The following IMMT variants were observed in gnomAD, a reference collection of about 807,000 sequenced individuals.
IMMT encodes inner membrane mitochondrial protein, also known as MICOS complex subunit MIC60.
A neutral mutation model predicts 92.7 loss-of-function variants in IMMT; 40 were observed. The observed-to-expected ratio is 0.43, with a 90% confidence interval of 0.34 to 0.56. The LOEUF is 0.56. Among genes scored for constraint, IMMT ranks in the 20% least tolerant of loss-of-function variants. The pLI is 0.03. For synonymous variants in IMMT, 322 were observed against 336.1 expected, an observed-to-expected ratio of 0.96 and a Z score of 0.46; for missense variants, 831 against 912.1, an observed-to-expected ratio of 0.91 and a Z score of 1.14.
rs1171454527 is a variant in IMMT, at chr2:86,144,248, T to C, written c.*20A>G. 5 of 1,610,946 alleles carry C rather than the reference T, an allele frequency of 3.1e-6. No homozygotes were observed. Among genetic ancestry groups the C allele is most frequent in the Non-Finnish European group, 3.4e-6 (4 of 1,177,684 alleles). ...TTTCCTTTGACATGAAATATGACTT[T>C]ATGAAAATCTTCCTAAACCTCACTC... On this transcript the variant is annotated 3_prime_UTR_variant, in exon 15 of 15. Transcript: ENST00000410111.
intron 7 of IMMT, among the ~76,000 whole-genome samples, chr2:86,164,689 C>CA (rs56964046): frequency 0.016 from 1,732 of 111,358 alleles, 87 homozygotes; most frequent in African/African-American, 0.056. Context: ...GACTCTGTCT[C>CA]AAAAAAAAAA....
At chr2:86,145,677 A>G (rs1019204258) in intron 14 of IMMT, among the ~76,000 whole-genome samples, 14 of 152,030 alleles carry the variant, frequency 9.2e-5, no homozygotes, top group Non-Finnish European at 5.9e-5. Flanking sequence ...TTCTCTTTCA[A>G]TGTGGCACAT....
In IMMT at chr2:86,195,329, A is replaced by C. The variant is rs749264958; in HGVS notation, c.45+9T>G. The C allele has an allele frequency of 1.9e-6, 3 of 1,544,978 alleles. No individual in the cohort carries two copies. The highest frequency in any genetic ancestry group is 2.0e-5 in the Admixed American group (1 of 50,594). On this transcript the variant is annotated intron_variant, in intron 1 of 14. Coordinates refer to ENST00000410111, the MANE Select transcript of IMMT (RefSeq NM_006839.3). ...CTCCTCACGCGCCTCCGGGAGCCCC[A>C]GTGCTCACCTGGGCGGCGGCGGTCA...
chr2:86,168,196 A>G (rs868277186), intron 6 of IMMT, among the ~76,000 whole-genome samples: 2 of 152,254 alleles, frequency 1.3e-5, no homozygotes, highest in South Asian at 2.1e-4. Context: ...AGAGGCTTCC[A>G]TCTATTAAGA....
chr2:86,171,162 A>T (rs556241202), intron 5 of IMMT, 46 bp downstream of exon 5: 29 of 1,498,870 alleles, frequency 1.9e-5, no homozygotes, highest in African/African-American at 2.8e-5. Context: ...AATAGTTCTG[A>T]TGAGTGTATC....
chr2:86,174,769 T>C (rs1200734493), intron 3 of IMMT, among the ~76,000 whole-genome samples: 3 of 152,234 alleles, frequency 2.0e-5, no homozygotes, highest in African/African-American at 7.2e-5. Context: ...TCATGGACAT[T>C]CTCTTTCAGG....
At chr2:86,164,285 G>A (rs972303017) in intron 7 of IMMT, among the ~76,000 whole-genome samples, 45 of 151,288 alleles carry the variant, frequency 3.0e-4, no homozygotes, top group African/African-American at 1.1e-3. Context: ...TCGAACTCCT[G>A]ACCTCAAATG....
At chr2:86,154,432 A>G (rs1212842923) in intron 10 of IMMT, among the ~76,000 whole-genome samples, 2 of 152,128 alleles carry the variant, frequency 1.3e-5, no homozygotes, top group Non-Finnish European at 1.5e-5. Flanking sequence ...CGGCCTCCCA[A>G]AGTGCTGGGA....
chr2:86,146,417 T>G (rs1173677321), intron 13 of IMMT, among the ~76,000 whole-genome samples: 1 of 151,650 alleles, frequency 6.6e-6, no homozygotes, highest in African/African-American at 2.4e-5. Context: ...TATTGCCAGG[T>G]TGGAGTGCAG....
At position 86,144,828 on chromosome 2, in the gene IMMT, C is replaced by A; in HGVS notation, c.1717G>T (p.Val573Leu). 1 of 1,611,262 alleles carries A rather than the reference C, an allele frequency of 6.2e-7. No individual in the cohort carries two copies. The highest frequency in any genetic ancestry group is 8.5e-7 in the Non-Finnish European group (1 of 1,179,144). Residue 573 changes from valine to leucine, a missense_variant, in exon 15 of 15, where the codon GTG (valine) becomes TTG (leucine). By Grantham distance (32) the Val-to-Leu change is conservative. Transcript: ENST00000410111. ...ARKAHQLWLSVEALKYSMKTS... is the reference protein window; with the variant it reads ...ARKAHQLWLSLEALKYSMKTS... ...TTCATGCTGTACTTTAATGCCTCCACTGAAAGCCAGAGTTGGTGGGCTTTT... is the reference window on the plus strand; with the variant it reads ...TTCATGCTGTACTTTAATGCCTCCAATGAAAGCCAGAGTTGGTGGGCTTTT...
chr2:86,185,146 G>T (rs1231678008), intron 1 of IMMT, among the ~76,000 whole-genome samples: 1 of 151,890 alleles, frequency 6.6e-6, no homozygotes, highest in East Asian at 1.9e-4. Flanking sequence ...CGCCAGCCTG[G>T]GTGACAGAGC....
intron 1 of IMMT, among the ~76,000 whole-genome samples, chr2:86,188,394 C>G (rs558848838): frequency 1.3e-5 from 2 of 151,854 alleles, no homozygotes; most frequent in South Asian, 2.1e-4. Flanking sequence ...CATACACGCA[C>G]ACACGCGCAC....
chr2:86,186,504 T>C (rs1198707266), intron 1 of IMMT, among the ~76,000 whole-genome samples: 2 of 152,134 alleles, frequency 1.3e-5, no homozygotes, highest in African/African-American at 2.4e-5. Flanking sequence ...GACTAAGACA[T>C]AAAAAGGATA....
chr2:86,162,568 G>C (rs553382407), intron 7 of IMMT, among the ~76,000 whole-genome samples: 2 of 151,926 alleles, frequency 1.3e-5, no homozygotes, highest in Non-Finnish European at 2.9e-5. Context: ...AGTTTTGGCC[G>C]GGCGCAGTGG....
In IMMT at chr2:86,173,772, A is replaced by T. The variant is rs1453573656; in HGVS notation, c.310-11T>A. 1 of 1,408,770 alleles carries T rather than the reference A, an allele frequency of 7.1e-7. No individual in the cohort carries two copies. Among genetic ancestry groups the T allele is most frequent in the Non-Finnish European group, 1.0e-6 (1 of 1,004,020 alleles). 87.3% of individuals were successfully genotyped at this position (1,408,770 alleles called of 1,614,324 possible). A position where few individuals can be genotyped will look rare whatever the true frequency, so the allele number is the denominator to read the frequency against. On this transcript the variant is annotated splice_polypyrimidine_tract_variant and intron_variant, in intron 3 of 14. Coordinates refer to ENST00000410111, the MANE Select transcript of IMMT (RefSeq NM_006839.3). ...TGGACCCGACTGAATCTTGGAAATAAAAAACATTTAACATTTCAGATATAC... is the reference window on the plus strand; with the variant it reads ...TGGACCCGACTGAATCTTGGAAATATAAAACATTTAACATTTCAGATATAC...
chr2:86,195,435 A>G lies in IMMT; in HGVS notation c.-53T>C. The G allele has an allele frequency of 6.5e-7, 1 of 1,534,180 alleles. No homozygotes were observed. The highest frequency in any genetic ancestry group is 8.8e-7 in the Non-Finnish European group (1 of 1,137,690). ...GGACTCGAGCTGCCGCGGCGGCGCG[A>G]GTTAAGTGGAGGCGTGCTTGCGTGT... On this transcript the variant is annotated 5_prime_UTR_variant, in exon 1 of 15. Transcript: ENST00000410111.
At chr2:86,158,350 A>G in intron 10 of IMMT, 1 of 320,508 alleles carries the variant, frequency 3.1e-6, no homozygotes, top group Non-Finnish European at 5.9e-6. Context: ...TCAGAACAGA[A>G]CCAATCACGG....
rs78761588 is a variant in IMMT at position 86,195,252 on chromosome 2, G to A, written c.45+86C>T. The A allele has an allele frequency of 8.9e-3, 12,212 of 1,378,710 alleles. 67 individuals carry two copies. Among genetic ancestry groups the A allele is most frequent in the Non-Finnish European group, 0.011 (10,963 of 1,031,266 alleles). The allele number at this position is 1,378,710 out of a possible 1,614,324, so 85.4% of individuals were successfully genotyped here. On this transcript the variant is annotated intron_variant, in intron 1 of 14. Transcript: ENST00000410111. ...CCTGAGGCTCGCCTTTGTCCTGGAG[G>A]CTAGGCAGCGACCAAGGCTCCCCCG... is the stretch of plus-strand genomic sequence containing the variant.
At chr2:86,146,344 T>C (rs757169345) in intron 13 of IMMT, 147 bp from the exon 14 acceptor site, 116 of 519,952 alleles carry the variant, frequency 2.2e-4, no homozygotes, top group Non-Finnish European at 3.1e-4. Context: ...GTTTCAAAAA[T>C]GTCCTGACTC....
Sources: gnomAD v4.1 joint callset for allele counts (sites outside exome capture counted in the v4.1 genomes callset) on GRCh38, gnomAD v4.1.1 for gene constraint, MANE v1.5 for transcripts, NCBI Gene and HGNC (gene_info 2026-07-23, HGNC 2026-07-21) for gene names.